The following SLIT3 variants were observed in gnomAD, a reference collection of about 807,000 sequenced individuals.
SLIT3 encodes slit guidance ligand 3.
SLIT3 carries 68 observed loss-of-function variants against 184.0 expected under a neutral mutation model. The observed-to-expected ratio is 0.37, with a 90% CI of 0.30 to 0.45. The LOEUF is 0.45. Among genes scored for constraint, SLIT3 ranks in the 20% least tolerant of loss-of-function variants. The pLI is 1.00. For missense variants in SLIT3, 1,707 were observed against 2,026.0 expected, an observed-to-expected ratio of 0.84 and a Z score of 3.02; for synonymous variants, 831 against 828.6, an observed-to-expected ratio of 1.00 and a Z score of -0.05.
intron 4 of SLIT3, among the ~76,000 whole-genome samples, chr5:168,941,516 T>C (rs939071368): frequency 1.1e-4 from 16 of 152,212 alleles, no homozygotes; most frequent in African/African-American, 3.9e-4. Flanking sequence ...GCTGATATTA[T>C]TTCTGCACCG....
At chr5:169,251,263 G>A (rs1765763920) in intron 2 of SLIT3, 125 bp downstream of exon 2, 1 of 720,876 alleles carries the variant, frequency 1.4e-6, no homozygotes, top group South Asian at 1.5e-5. Flanking sequence ...GGGGCTTTCT[G>A]CTGCAGAATG....
chr5:168,931,255 T>C (rs184425172), intron 4 of SLIT3, among the ~76,000 whole-genome samples: 52 of 152,372 alleles, frequency 3.4e-4, no homozygotes, highest in African/African-American at 1.1e-3. Flanking sequence ...TCTTATATTA[T>C]GTATGGACTA....
intron 26 of SLIT3, among the ~76,000 whole-genome samples, chr5:168,701,972 C>A (rs1238320535): frequency 1.3e-5 from 2 of 152,214 alleles, no homozygotes; most frequent in Non-Finnish European, 2.9e-5. Context: ...TGCTGTGGAC[C>A]CTCTCAAACA....
At chr5:168,720,252 G>C (rs780607908) in intron 23 of SLIT3, 2 of 152,244 alleles carry the variant, frequency 1.3e-5, no homozygotes, top group Non-Finnish European at 2.9e-5. Flanking sequence ...GCAAGTGCTA[G>C]CGTGTTGTAT....
chr5:168,890,574 G>A (rs1760416747), intron 4 of SLIT3, among the ~76,000 whole-genome samples: 1 of 152,110 alleles, frequency 6.6e-6, no homozygotes, highest in Admixed American at 6.6e-5. Flanking sequence ...TAGAATTGTG[G>A]TTATGTTTTC....
intron 5 of SLIT3, among the ~76,000 whole-genome samples, chr5:168,876,078 TC>T (rs1759720410): frequency 6.6e-6 from 1 of 152,144 alleles, no homozygotes; most frequent in South Asian, 2.1e-4. Context: ...CAGGCACTCT[TC>T]CTGCGTCAGA....
Position 168,666,495 on chromosome 5 carries a change from C to T in SLIT3, c.4531G>A (p.Val1511Met), listed in dbSNP as rs762829288. ...CAGCCGCACTCTAAGTGTCTCTCCACCTCTTCTACAAACGAGGAGCCGTCC... is the reference window on the plus strand; with the variant it reads ...CAGCCGCACTCTAAGTGTCTCTCCATCTCTTCTACAAACGAGGAGCCGTCC... ...CTDGSSFVEE[V>M]ERHLECGCLA... The change falls in exon 36 of 36, where the codon GTG (valine) becomes ATG (methionine). Residue 1511 changes from valine to methionine, a missense_variant. Val to Met is a conservative substitution (Grantham distance 21, BLOSUM62 1). Coordinates refer to ENST00000519560, the MANE Select transcript of SLIT3 (RefSeq NM_003062.4). 6.2e-7 allele frequency: 1 copy of T among 1,604,380 alleles called. No homozygotes were observed. Among genetic ancestry groups the T allele is most frequent in the East Asian group, 2.2e-5 (1 of 44,740 alleles).
chr5:168,738,042 A>T (rs143649312), intron 20 of SLIT3, among the ~76,000 whole-genome samples: 9 of 152,330 alleles, frequency 5.9e-5, no homozygotes, highest in African/African-American at 2.2e-4. Flanking sequence ...GTGCTGACTT[A>T]GAGCAGTTAT....
At position 169,197,079 on chromosome 5, in the gene SLIT3, T is replaced by C. The variant is rs577574419; in HGVS notation, c.342-3529A>G. ...CCTAAACCAGAGTTGAAGCTAAAAATAAAACCAGCTTGGCTCCAAGGCTCC... is the reference window on the plus strand; with the variant it reads ...CCTAAACCAGAGTTGAAGCTAAAAACAAAACCAGCTTGGCTCCAAGGCTCC... On this transcript the variant is annotated intron_variant, in intron 3 of 35. Coordinates refer to ENST00000519560, the MANE Select transcript of SLIT3 (RefSeq NM_003062.4). 1.1e-4 allele frequency among the ~76,000 whole-genome samples: 16 copies of C among 152,286 alleles called. No individual in the cohort carries two copies. The South Asian group carries it at 2.9e-3, about 28-fold the overall frequency.
At chr5:168,860,028 GTTA>G (rs555228092) in intron 5 of SLIT3, among the ~76,000 whole-genome samples, 130 of 151,942 alleles carry the variant, frequency 8.6e-4, no homozygotes, top group Non-Finnish European at 1.3e-3. Flanking sequence ...TTGCCTTTAG[GTTA>G]TTAACAAAAT....
chr5:168,768,548 C>T (rs1275483382), intron 14 of SLIT3, among the ~76,000 whole-genome samples: 1 of 152,208 alleles, frequency 6.6e-6, no homozygotes, highest in Non-Finnish European at 1.5e-5. Flanking sequence ...ATCTGTGATC[C>T]TATCACATGC....
intron 16 of SLIT3, 29 bp downstream of exon 16, chr5:168,760,833 C>T (rs764954375): frequency 6.4e-7 from 1 of 1,557,688 alleles, no homozygotes; most frequent in South Asian, 1.1e-5. Flanking sequence ...AGAACAGAGG[C>T]TGCTGCCAAG....
chr5:169,128,161 A>G (rs916224379), intron 4 of SLIT3, among the ~76,000 whole-genome samples: 8 of 150,932 alleles, frequency 5.3e-5, no homozygotes, highest in Non-Finnish European at 1.0e-4. Context: ...AATGTTCTTT[A>G]AAAAGCATAA....
chr5:168,920,911 C>T (rs193072940), intron 4 of SLIT3, among the ~76,000 whole-genome samples: 219 of 152,296 alleles, frequency 1.4e-3, no homozygotes, highest in African/African-American at 4.9e-3. Flanking sequence ...ACCCACCACA[C>T]ATCGCTCATT....
chr5:168,872,429 C>A (rs1759557909), intron 5 of SLIT3, among the ~76,000 whole-genome samples: 1 of 152,060 alleles, frequency 6.6e-6, no homozygotes, highest in African/African-American at 2.4e-5. Flanking sequence ...ATTGGCTCAG[C>A]AGTGGTAACA....
chr5:169,273,706 T>C (rs557941510), intron 1 of SLIT3, among the ~76,000 whole-genome samples: 5 of 152,116 alleles, frequency 3.3e-5, no homozygotes, highest in African/African-American at 1.2e-4. Context: ...TGAGGCTGAG[T>C]TTACAAGCTT....
chr5:169,130,828 G>A (rs9313444), intron 4 of SLIT3, among the ~76,000 whole-genome samples: 16,502 of 152,176 alleles, frequency 0.11, 2,123 homozygotes, highest in African/African-American at 0.31. Flanking sequence ...CTGATCATGT[G>A]TCAGCATGAG....
chr5:169,194,542 G>A (rs890942087), intron 3 of SLIT3, among the ~76,000 whole-genome samples: 7 of 151,980 alleles, frequency 4.6e-5, no homozygotes, highest in Admixed American at 1.3e-4. Flanking sequence ...CGGTATAAAT[G>A]CAAATATATT....
intron 1 of SLIT3, among the ~76,000 whole-genome samples, chr5:169,284,640 C>G (rs1490327770): frequency 6.6e-6 from 1 of 152,074 alleles, no homozygotes; most frequent in Non-Finnish European, 1.5e-5. Context: ...GATCCTGAGA[C>G]CCAAAGAGAT....
Sources: allele counts gnomAD v4.1 joint callset (sites outside exome capture counted in the v4.1 genomes callset), GRCh38; gene constraint gnomAD v4.1.1; transcripts MANE v1.5; gene names NCBI Gene and HGNC (gene_info 2026-07-23, HGNC 2026-07-21).